The following SIK2 variants were observed in gnomAD, a reference collection of about 807,000 sequenced individuals.
The protein encoded by SIK2 is salt inducible kinase 2, also known as serine/threonine-protein kinase SIK2.
In SIK2, 29 loss-of-function variants were observed where a neutral mutation model predicts 103.2. The observed-to-expected ratio is 0.28, with a 90% confidence interval of 0.21 to 0.38. SIK2 has a LOEUF of 0.38. Among genes scored for constraint, SIK2 ranks in the 10% least tolerant of loss-of-function variants. SIK2 has a pLI of 1.00. For synonymous variants in SIK2, 412 were observed against 446.1 expected, an observed-to-expected ratio of 0.92 and a Z score of 0.96; for missense variants, 879 against 1,171.0, an observed-to-expected ratio of 0.75 and a Z score of 3.64.
intron 3 of SIK2, among the ~76,000 whole-genome samples, chr11:111,667,176 T>C (rs914925787): frequency 6.6e-6 from 1 of 152,034 alleles, no homozygotes; most frequent in Non-Finnish European, 1.5e-5. Context: ...CTCAAACTGC[T>C]GTCCTCTGGT....
chr11:111,700,174 T>C (rs1410379781), intron 4 of SIK2, among the ~76,000 whole-genome samples: 1 of 152,230 alleles, frequency 6.6e-6, no homozygotes, highest in Non-Finnish European at 1.5e-5. Context: ...GAGTGCATTC[T>C]CTGTATCAAA....
At chr11:111,647,263 G>T (rs888281452) in intron 3 of SIK2, among the ~76,000 whole-genome samples, 1 of 152,146 alleles carries the variant, frequency 6.6e-6, no homozygotes, top group South Asian at 2.1e-4. Flanking sequence ...CTTTGAACAT[G>T]TTCTTAATTA....
At chr11:111,633,231 T>C (rs1942061778) in intron 3 of SIK2, among the ~76,000 whole-genome samples, 1 of 152,202 alleles carries the variant, frequency 6.6e-6, no homozygotes, top group African/African-American at 2.4e-5. Context: ...ATTAATTCTA[T>C]CCACATTGAT....
chr11:111,656,539 G>A (rs951538363), intron 3 of SIK2, among the ~76,000 whole-genome samples: 6 of 152,072 alleles, frequency 3.9e-5, no homozygotes, highest in African/African-American at 7.2e-5. Flanking sequence ...AGTAGTTGTC[G>A]CCATTTTTTA....
intron 3 of SIK2, among the ~76,000 whole-genome samples, chr11:111,685,267 A>G (rs895455797): frequency 2.6e-5 from 4 of 152,224 alleles, no homozygotes; most frequent in Non-Finnish European, 5.9e-5. Context: ...TCACATGTGC[A>G]GTTCACAATA....
At chr11:111,624,659 C>G (rs1941937909) in intron 3 of SIK2, among the ~76,000 whole-genome samples, 2 of 152,212 alleles carry the variant, frequency 1.3e-5, no homozygotes, top group Admixed American at 6.5e-5. Flanking sequence ...ACAAAAATCT[C>G]TACTCTTTTA....
intron 3 of SIK2, among the ~76,000 whole-genome samples, chr11:111,620,650 T>C (rs1941870615): frequency 6.6e-6 from 1 of 152,228 alleles, no homozygotes; most frequent in Non-Finnish European, 1.5e-5. Context: ...GAGGAACTTT[T>C]AGTCATATTG....
At chr11:111,646,708 A>G (rs1358588611) in intron 3 of SIK2, among the ~76,000 whole-genome samples, 3 of 152,222 alleles carry the variant, frequency 2.0e-5, no homozygotes, top group South Asian at 2.1e-4. Flanking sequence ...ATAGAATCAC[A>G]TAATGTATAT....
At position 111,612,948 on chromosome 11, in the gene SIK2, T is replaced by TATATATATA. The variant is rs1555024123; in HGVS notation, c.136-3295_136-3294insATATATATA. Among the ~76,000 whole-genome samples the TATATATATA allele has an allele frequency of 2.2e-3, 212 of 95,640 alleles. 3 individuals are homozygous for TATATATATA. The highest frequency in any genetic ancestry group is 8.7e-3 in the African/African-American group (184 of 21,054). The allele number at this position is 95,640 out of a possible 152,430, so 62.7% of individuals were successfully genotyped here. A position where few individuals can be genotyped will look rare whatever the true frequency, so the allele number is the denominator to read the frequency against. On this transcript the variant is annotated intron_variant, in intron 1 of 14. Coordinates refer to ENST00000304987, the MANE Select transcript of SIK2 (RefSeq NM_015191.3). ...TATATATATATATATATATATATAT[T>TATATATATA]TATGATCATAGGATCATAGATGGAT...
At chr11:111,700,574 A>C (rs550083086) in intron 4 of SIK2, among the ~76,000 whole-genome samples, 40 of 152,334 alleles carry the variant, frequency 2.6e-4, no homozygotes, top group Middle Eastern at 6.8e-3. Flanking sequence ...AGATTATCAA[A>C]TACTAGTTGG....
At chr11:111,699,745 T>G (rs1436655543) in intron 4 of SIK2, among the ~76,000 whole-genome samples, 1 of 152,232 alleles carries the variant, frequency 6.6e-6, no homozygotes, top group Non-Finnish European at 1.5e-5. Flanking sequence ...AGTGAGCTTA[T>G]TTTAACACAT....
chr11:111,705,345 A>G lies in SIK2; in HGVS notation c.1101+206A>G, dbSNP rs1943319900. Among the ~76,000 whole-genome samples the G allele has an allele frequency of 6.6e-6, 1 of 152,206 alleles. No homozygotes were observed. The highest frequency in any genetic ancestry group is 2.4e-5 in the African/African-American group (1 of 41,444). ...ACTTTATTTCAAACAGTTTTTTAAA[A>G]TTGTTTTCATCATTCACAATGTTGA... is the stretch of plus-strand genomic sequence containing the variant. On this transcript the variant is annotated intron_variant, in intron 8 of 14. Transcript: ENST00000304987. This position sits in a 1 kb window ranked among gnomAD's most constrained non-coding sequence, Gnocchi z 4.3.
At position 111,721,087 on chromosome 11, in the gene SIK2, A is replaced by G. The variant is rs772087617; in HGVS notation, c.1944+25A>G. Reference sequence around the variant, plus strand: ...GGTGGGTACCTTGGGCCCTTCCCTCAATGGCTCTGTGAGGATGAGGTGTGA... The same window carrying G: ...GGTGGGTACCTTGGGCCCTTCCCTCGATGGCTCTGTGAGGATGAGGTGTGA... On this transcript the variant is annotated intron_variant, in intron 12 of 14. Coordinates refer to ENST00000304987, the MANE Select transcript of SIK2 (RefSeq NM_015191.3). 86 of 1,597,800 alleles carry G rather than the reference A, an allele frequency of 5.4e-5. No individual in the cohort carries two copies. The East Asian group carries it at 1.8e-3, about 33-fold the overall frequency.
intron 1 of SIK2, among the ~76,000 whole-genome samples, chr11:111,603,958 A>G (rs933203887): frequency 1.3e-5 from 2 of 152,236 alleles, no homozygotes; most frequent in Non-Finnish European, 2.9e-5. Flanking sequence ...AGTTTTGCTT[A>G]ATCCCGTTTC....
At chr11:111,711,849 T>C (rs1044698523) in intron 8 of SIK2, among the ~76,000 whole-genome samples, 4 of 152,220 alleles carry the variant, frequency 2.6e-5, no homozygotes, top group African/African-American at 4.8e-5. Context: ...ATTTTTCTAT[T>C]CTTTATCTGT....
At chr11:111,675,222 T>C (rs1279050697) in intron 3 of SIK2, among the ~76,000 whole-genome samples, 1 of 152,198 alleles carries the variant, frequency 6.6e-6, no homozygotes, top group African/African-American at 2.4e-5. Flanking sequence ...TGGTAGATGA[T>C]AGAAACATAG....
In SIK2 at chr11:111,703,303, T is replaced by C. The variant is rs761116402; in HGVS notation, c.828T>C (p.Pro276=). 6.2e-7 allele frequency: 1 copy of C among 1,614,214 alleles called. No individual in the cohort carries two copies. The highest frequency in any genetic ancestry group is 2.2e-5 in the East Asian group (1 of 44,882). Residue 276 remains proline, a synonymous_variant, in exon 7 of 15, where the codon CCT becomes CCC. Coordinates refer to ENST00000304987, the MANE Select transcript of SIK2 (RefSeq NM_015191.3). ...KEHKWMLIEV[P]VQRPVLYPQE... is the part of the protein sequence containing the mutation. ...ATAAATGGATGCTCATAGAAGTTCC[T>C]GTCCAGAGACCTGTTCTCTATCCAC...
intron 9 of SIK2, among the ~76,000 whole-genome samples, chr11:111,715,040 G>A (rs990807920): frequency 5.3e-5 from 8 of 152,234 alleles, no homozygotes; most frequent in African/African-American, 1.9e-4. Context: ...TATTTTTAAA[G>A]CTTGTGATTG....
intron 4 of SIK2, among the ~76,000 whole-genome samples, chr11:111,690,922 A>G (rs6589246): frequency 0.96 from 146,900 of 152,288 alleles, 71,088 homozygotes; most frequent in East Asian, 1. Context: ...AGAAACATAC[A>G]TGCACATGTG....
Sources: allele counts gnomAD v4.1 joint callset (sites outside exome capture counted in the v4.1 genomes callset), GRCh38; gene constraint gnomAD v4.1.1; non-coding constraint Gnocchi (gnomAD v3.1); transcripts MANE v1.5; gene names NCBI Gene and HGNC (gene_info 2026-07-23, HGNC 2026-07-21).